POR: variants seen among roughly 807,000 people sequenced by gnomAD.
The protein encoded by POR is cytochrome p450 oxidoreductase, also known as NADPH--cytochrome P450 reductase.
POR carries 56 observed loss-of-function variants against 84.0 expected under a neutral mutation model. The ratio of observed to expected loss-of-function variants is 0.67; its 90% confidence interval spans 0.54 to 0.83. The LOEUF (loss-of-function observed/expected upper bound fraction) is 0.83. Among genes scored for constraint, POR ranks in the 40% least tolerant of loss-of-function variants. POR has a pLI of 0.00. For synonymous variants in POR, 414 were observed against 400.5 expected (o/e 1.03, Z -0.40); for missense variants, 938 against 944.3 (o/e 0.99, Z 0.09).
At chr7:75,979,887 C>G (rs1407686255) in intron 4 of POR, 4 of 394,864 alleles carry the variant, frequency 1.0e-5, no homozygotes, top group Non-Finnish European at 1.9e-5. Flanking sequence ...AGCTGCTCCA[C>G]TCCCCTCTCC....
intron 2 of POR, among the ~76,000 whole-genome samples, chr7:75,961,060 C>T (rs1207572898): frequency 6.6e-6 from 1 of 152,108 alleles, no homozygotes. Flanking sequence ...TGGCAAAACC[C>T]TGTCTCTACA....
intron 5 of POR, chr7:75,980,727 G>C (rs1181762430): frequency 2.7e-6 from 4 of 1,507,754 alleles, no homozygotes; most frequent in Non-Finnish European, 3.5e-6. Flanking sequence ...CTAAAGGCAA[G>C]AAAGGTCTGG....
chr7:75,930,740 T>TC (rs1483501128), intron 1 of POR, among the ~76,000 whole-genome samples: 2 of 152,186 alleles, frequency 1.3e-5, no homozygotes, highest in African/African-American at 4.8e-5. Context: ...TAGGCTGGTC[T>TC]CCAACTCCTG....
intron 2 of POR, among the ~76,000 whole-genome samples, chr7:75,958,685 GAT>G (rs1461936762): frequency 1.3e-5 from 2 of 151,998 alleles, no homozygotes; most frequent in Non-Finnish European, 2.9e-5. Flanking sequence ...AGTCTCCTAA[GAT>G]AGTGTTAATA....
At chr7:75,980,191 G>A in intron 4 of POR, 148 bp from the exon 5 acceptor site, 1 of 949,894 alleles carries the variant, frequency 1.1e-6, no homozygotes, top group Non-Finnish European at 1.5e-6. Flanking sequence ...GCCCCTCCGT[G>A]TTGTTACTTC....
At chr7:75,955,799 T>C (rs1481471413) in intron 2 of POR, among the ~76,000 whole-genome samples, 2 of 152,168 alleles carry the variant, frequency 1.3e-5, no homozygotes, top group East Asian at 3.9e-4. Flanking sequence ...TGTGGCTGTC[T>C]TGGCAGGAAC....
chr7:75,929,686 G>A (rs782527285), intron 1 of POR, among the ~76,000 whole-genome samples: 3 of 152,192 alleles, frequency 2.0e-5, no homozygotes, highest in Non-Finnish European at 2.9e-5. Flanking sequence ...TGGCTTGTCT[G>A]TCTCATTAGT....
chr7:75,978,570 C>G (rs13231817), intron 3 of POR, among the ~76,000 whole-genome samples: 38,448 of 152,170 alleles, frequency 0.25, 6,189 homozygotes, highest in Non-Finnish European at 0.37. Flanking sequence ...GTAGCCCAGG[C>G]TGGAGTGCAA....
At chr7:75,922,407 T>C (rs968997903) in intron 1 of POR, among the ~76,000 whole-genome samples, 1 of 146,140 alleles carries the variant, frequency 6.8e-6, no homozygotes, top group Non-Finnish European at 1.5e-5. Flanking sequence ...CACTGCAACC[T>C]CTGCCTCCTG....
chr7:75,939,536 C>CTTTTTTT (rs3043448), intron 1 of POR, among the ~76,000 whole-genome samples: 1 of 126,102 alleles, frequency 7.9e-6, no homozygotes, highest in East Asian at 2.5e-4. Context: ...TACTCAACAG[C>CTTTTTTT]TTTTTTTTTT....
Position 75,986,548 on chromosome 7 carries a change from A to T in POR, c.*67A>T. 1.9e-6 allele frequency: 3 copies of T among 1,551,144 alleles called. No homozygotes were observed. Among genetic ancestry groups the T allele is most frequent in the Non-Finnish European group, 2.6e-6 (3 of 1,153,322 alleles). On this transcript the variant is annotated 3_prime_UTR_variant, in exon 16 of 16. Transcript: ENST00000461988. ...ATCAGCTCTCCTGGCTCCCTCCCGT[A>T]GTCTCCTGGGTGTGTTTGGCTTGGC...
At chr7:75,985,031 G>GCCCCATCTCAC (rs1789337429) in intron 11 of POR, 27 bp from the exon 12 acceptor site, 1 of 1,585,826 alleles carries the variant, frequency 6.3e-7, no homozygotes, top group African/African-American at 1.3e-5. Flanking sequence ...GCCCCAATCA[G>GCCCCATCTCAC]CCCCATCTCA....
chr7:75,945,605 T>C (rs1359854704), intron 1 of POR, among the ~76,000 whole-genome samples: 2 of 152,068 alleles, frequency 1.3e-5, no homozygotes, highest in African/African-American at 4.8e-5. Context: ...CATGAGGGTT[T>C]TCCCTCATCT....
chr7:75,980,557 T>C lies in POR; in HGVS notation c.516+69T>C, dbSNP rs782702207. On this transcript the variant is annotated intron_variant, in intron 5 of 15. Transcript: ENST00000461988. ...TGCCTCCCTGGGGACTCCAGATCCA[T>C]GTATCTGAAAGGCAGCCCTCCAGAC... 20 of 1,611,918 alleles carry C rather than the reference T, an allele frequency of 1.2e-5. 1 individual carries two copies. The South Asian group carries it at 2.0e-4, about 16-fold the overall frequency.
rs1554556314 is a variant in POR at position 75,972,427 on chromosome 7, G to A, written c.203G>A (p.Arg68Lys). The A allele has an allele frequency of 6.2e-7, 1 of 1,610,310 alleles. No homozygotes were observed. Among genetic ancestry groups the A allele is most frequent in the Non-Finnish European group, 8.5e-7 (1 of 1,178,406 alleles). The change falls in exon 3 of 16, where the codon AGA becomes AAA. Residue 68 changes from arginine to lysine, a missense_variant. Transcript: ENST00000461988. ...TTGTCTTGCAGGACCTCCTCTGTCAGAGAGAGCAGCTTTGTGGAAAAGATG... is the reference window on the plus strand; with the variant it reads ...TTGTCTTGCAGGACCTCCTCTGTCAAAGAGAGCAGCTTTGTGGAAAAGATG...
intron 2 of POR, chr7:75,967,746 C>T (rs1409351397): frequency 8.5e-6 from 2 of 235,714 alleles, no homozygotes; most frequent in Non-Finnish European, 1.8e-5. Flanking sequence ...TTTTCTCCTT[C>T]CCTCGGTCCA....
At chr7:75,965,308 AT>A (rs1788130592) in intron 2 of POR, among the ~76,000 whole-genome samples, 1 of 150,076 alleles carries the variant, frequency 6.7e-6, no homozygotes, top group African/African-American at 2.5e-5. Context: ...TGAAAACATA[AT>A]TCTGGGACCC....
chr7:75,973,951 T>C (rs6953235), intron 3 of POR, among the ~76,000 whole-genome samples: 3,017 of 152,102 alleles, frequency 0.02, 101 homozygotes, highest in African/African-American at 0.069. Context: ...GTGCTGGGAT[T>C]ACAGGCGTGA....
At chr7:75,970,438 A>C (rs1788379593) in intron 2 of POR, among the ~76,000 whole-genome samples, 1 of 151,488 alleles carries the variant, frequency 6.6e-6, no homozygotes, top group African/African-American at 2.4e-5. Context: ...TCAAACACCC[A>C]GGTTCAAGGG....
Sources: gnomAD v4.1 joint callset for allele counts (sites outside exome capture counted in the v4.1 genomes callset) on GRCh38, gnomAD v4.1.1 for gene constraint, MANE v1.5 for transcripts, NCBI Gene and HGNC (gene_info 2026-07-23, HGNC 2026-07-21) for gene names.